The following PNPLA8 variants were observed in gnomAD, a reference collection of about 807,000 sequenced individuals.
PNPLA8 encodes patatin like domain 8, phospholipase A2, also known as calcium-independent phospholipase A2-gamma.
A neutral mutation model predicts 76.9 loss-of-function variants in PNPLA8; 39 were observed. That is an observed-to-expected ratio of 0.51 (90% confidence interval 0.39 to 0.66). PNPLA8 has a LOEUF of 0.66. Among genes scored for constraint, PNPLA8 ranks in the 30% least tolerant of loss-of-function variants. PNPLA8 has a pLI of 0.00. For missense variants in PNPLA8, 887 were observed against 918.0 expected (o/e 0.97, Z 0.44); for synonymous variants, 301 against 307.9 (o/e 0.98, Z 0.24).
chr7:108,472,538 T>G lies in PNPLA8; in HGVS notation c.2212A>C (p.Ile738Leu), dbSNP rs781083736. The G allele has an allele frequency of 3.7e-6, 6 of 1,612,686 alleles. No homozygotes were observed. In the East Asian group the frequency reaches 1.3e-4, roughly 36 times the overall value. The stretch of plus-strand genomic sequence containing the variant: ...TTCATTTTTTGTTCATTTCTTTCTA[T>G]GTATTTCAACCCTTCCAACTGCAGC... ...DQLQLEGLKY[I>L]ERNEQKMKKV... The change falls in exon 11 of 11, where the codon ATA becomes CTA. Residue 738 changes from isoleucine to leucine, a missense_variant. Coordinates refer to ENST00000257694, the MANE Select transcript of PNPLA8 (RefSeq NM_001256007.3).
chr7:108,510,649 T>A (rs1353152669), intron 4 of PNPLA8: 2 of 1,584,374 alleles, frequency 1.3e-6, no homozygotes, highest in African/African-American at 2.7e-5. Context: ...AGCCATATAT[T>A]GCATGGGGGT....
intron 4 of PNPLA8, among the ~76,000 whole-genome samples, chr7:108,505,751 A>G (rs2154516157): frequency 6.6e-6 from 1 of 152,304 alleles, no homozygotes. Context: ...TAAATTGGAC[A>G]AAATTAAGAA....
chr7:108,520,765 A>ACCAGTCTCAG (rs1863677975), intron 2 of PNPLA8, among the ~76,000 whole-genome samples: 1 of 152,136 alleles, frequency 6.6e-6, no homozygotes, highest in South Asian at 2.1e-4. Flanking sequence ...AAGAATACTG[A>ACCAGTCTCAG]GACTGTAAAA....
At chr7:108,480,046 A>C (rs1860286936) in intron 9 of PNPLA8, among the ~76,000 whole-genome samples, 1 of 152,180 alleles carries the variant, frequency 6.6e-6, no homozygotes, top group Non-Finnish European at 1.5e-5. Flanking sequence ...AATATATTAC[A>C]TCATAAACAT....
At chr7:108,480,018 A>G (rs1860284437) in intron 9 of PNPLA8, among the ~76,000 whole-genome samples, 1 of 152,206 alleles carries the variant, frequency 6.6e-6, no homozygotes, top group African/African-American at 2.4e-5. Flanking sequence ...AATAAAATGT[A>G]TTGTAGAACC....
intron 1 of PNPLA8, among the ~76,000 whole-genome samples, chr7:108,522,293 CAAAAAAAAAAACAAAAAAAGA>C (rs1180141782): frequency 1.0e-5 from 1 of 99,336 alleles, no homozygotes; most frequent in African/African-American, 3.7e-5. Context: ...GACTCCCTCT[CAAAAAAAAAAACAAAAAAAGA>C]AAAAAAAAAA....
Position 108,479,270 on chromosome 7 carries a change from T to C in PNPLA8, c.1988A>G (p.Tyr663Cys). Residue 663 changes from tyrosine (Y) to cysteine (C), a missense_variant, in exon 10 of 11, where the codon TAT (tyrosine) becomes TGT (cysteine). Physicochemically the swap from Tyr to Cys is radical, Grantham distance 194. Coordinates refer to ENST00000257694, the MANE Select transcript of PNPLA8 (RefSeq NM_001256007.3). Reference sequence around the variant, plus strand: ...TACCGTGTTTCTCACATCACTCTCATAACGTCCAGTGCCCAGGGATACTAT... The same window carrying C: ...TACCGTGTTTCTCACATCACTCTCACAACGTCCAGTGCCCAGGGATACTAT... ...ECIVSLGTGRYESDVRNTVTY... is the reference protein window; with the variant it reads ...ECIVSLGTGRCESDVRNTVTY... 6.2e-7 allele frequency: 1 copy of C among 1,613,156 alleles called. No individual in the cohort carries two copies. Among genetic ancestry groups the C allele is most frequent in the East Asian group, 2.2e-5 (1 of 44,872 alleles).
chr7:108,479,988 T>C (rs995446894), intron 9 of PNPLA8, among the ~76,000 whole-genome samples: 2 of 152,214 alleles, frequency 1.3e-5, no homozygotes, highest in African/African-American at 4.8e-5. Flanking sequence ...TAAAAGTAGA[T>C]AAAATTATGG....
intron 8 of PNPLA8, among the ~76,000 whole-genome samples, chr7:108,491,163 C>T (rs2154515341): frequency 6.6e-6 from 1 of 152,142 alleles, no homozygotes; most frequent in Non-Finnish European, 1.5e-5. Context: ...AAAAATTAGC[C>T]AGGCGTGGTG....
rs941652741 is a variant in PNPLA8, at chr7:108,470,711, C to G, written c.*1690G>C. 6 of 152,120 alleles carry G rather than the reference C, an allele frequency of 3.9e-5. No individual in the cohort carries two copies. Among genetic ancestry groups the G allele is most frequent in the Non-Finnish European group, 8.8e-5 (6 of 68,008 alleles). 9.4% of individuals were successfully genotyped at this position (152,120 alleles called of 1,614,324 possible). The stretch of plus-strand genomic sequence containing the variant: ...ATGTATTATTTGTGGTCTGAAAGAA[C>G]TATATTATCTTTAGAAATCATTGGT... On this transcript the variant is annotated 3_prime_UTR_variant, in exon 11 of 11. Transcript: ENST00000257694.
In PNPLA8 at chr7:108,472,366, A is replaced by G. The variant is rs1402924374; in HGVS notation, c.*35T>C. On this transcript the variant is annotated 3_prime_UTR_variant, in exon 11 of 11. Transcript: ENST00000257694. ...ATTGAATGTGGTTGATCTTCTAAAC[A>G]GACCTTCATTTATGAGAACATAAGC... 2 of 1,435,338 alleles carry G rather than the reference A, an allele frequency of 1.4e-6. No homozygotes were observed. The highest frequency in any genetic ancestry group is 2.3e-5 in the East Asian group (1 of 43,498). The allele number at this position is 1,435,338 out of a possible 1,614,324, so 88.9% of individuals were successfully genotyped here.
At chr7:108,481,083 T>C (rs1860360891) in intron 9 of PNPLA8, among the ~76,000 whole-genome samples, 1 of 152,220 alleles carries the variant, frequency 6.6e-6, no homozygotes, top group Non-Finnish European at 1.5e-5. Context: ...ATTGTATGGA[T>C]GTACCACACA....
intron 7 of PNPLA8, among the ~76,000 whole-genome samples, chr7:108,493,568 CTTTTTTTTT>C (rs34935118): frequency 3.7e-5 from 3 of 81,210 alleles, no homozygotes; most frequent in African/African-American, 4.8e-5. Context: ...CCATGCCTGG[CTTTTTTTTT>C]TTTTTTTTTT....
rs772890686 is a variant in PNPLA8 at position 108,479,368 on chromosome 7, C to A, written c.1890G>T (p.Leu630Phe). Residue 630 changes from leucine to phenylalanine, a missense_variant, in exon 10 of 11, where the codon TTG becomes TTT. Transcript: ENST00000257694. The part of the protein sequence containing the change: ...LGNDLHQDGG[L>F]LLNNPSALAM... ...CTAATGCCGAAGGGTTATTCAGAAG[C>A]AAACCTCCATCCTGCAAAATACAAG... The A allele has an allele frequency of 6.2e-7, 1 of 1,609,464 alleles. No homozygotes were observed. The highest frequency in any genetic ancestry group is 1.1e-5 in the South Asian group (1 of 90,288).
chr7:108,493,568 C>CATTTTTTTTTTTT (rs1554681577), intron 7 of PNPLA8, among the ~76,000 whole-genome samples: 1 of 81,210 alleles, frequency 1.2e-5, no homozygotes, highest in African/African-American at 4.8e-5. Flanking sequence ...CCATGCCTGG[C>CATTTTTTTTTTTT]TTTTTTTTTT....
chr7:108,513,870 C>T (rs1427184522), intron 4 of PNPLA8, among the ~76,000 whole-genome samples: 1 of 152,106 alleles, frequency 6.6e-6, no homozygotes, highest in Non-Finnish European at 1.5e-5. Context: ...AAAAATCTGG[C>T]AGCTGTTAGG....
At chr7:108,522,184 T>C (rs40887) in intron 1 of PNPLA8, among the ~76,000 whole-genome samples, 60,496 of 151,332 alleles carry the variant, frequency 0.4, 12,601 homozygotes, top group African/African-American at 0.48. Context: ...GTCCCAGCTA[T>C]TCGGGAGGCT....
intron 2 of PNPLA8, among the ~76,000 whole-genome samples, chr7:108,518,579 G>A (rs1272254847): frequency 6.6e-6 from 1 of 151,818 alleles, no homozygotes; most frequent in Non-Finnish European, 1.5e-5. Flanking sequence ...GATAATGGAG[G>A]TGGCTATGCG....
intron 10 of PNPLA8, among the ~76,000 whole-genome samples, chr7:108,476,923 G>T (rs772469276): frequency 7.2e-5 from 11 of 152,044 alleles, no homozygotes; most frequent in Non-Finnish European, 1.3e-4. Flanking sequence ...TTTACATGTG[G>T]AATCTAAAAT....
Sources: allele counts gnomAD v4.1 joint callset (sites outside exome capture counted in the v4.1 genomes callset), GRCh38; gene constraint gnomAD v4.1.1; transcripts MANE v1.5; gene names NCBI Gene and HGNC (gene_info 2026-07-23, HGNC 2026-07-21).